Variants in CNTNAP5 observed in about 807,000 individuals in gnomAD.
The protein encoded by CNTNAP5 is contactin associated protein family member 5.
In CNTNAP5, 72 loss-of-function variants were observed where a neutral mutation model predicts 150.2. The ratio of observed to expected loss-of-function variants is 0.48; its 90% CI spans 0.40 to 0.58. The LOEUF (loss-of-function observed/expected upper bound fraction) is 0.58. Among genes scored for constraint, CNTNAP5 ranks in the 20% least tolerant of loss-of-function variants. The probability of loss-of-function intolerance (pLI) is 0.00; values close to 1 mark genes in which losing one functional copy is unlikely to be tolerated. For synonymous variants in CNTNAP5, 672 were observed against 619.8 expected, an observed-to-expected ratio of 1.08 and a Z score of -1.25; for missense variants, 1,636 against 1,626.2, an observed-to-expected ratio of 1.01 and a Z score of -0.10.
intron 1 of CNTNAP5, among the ~76,000 whole-genome samples, chr2:124,216,889 C>T (rs1284561491): frequency 6.6e-6 from 1 of 152,068 alleles, no homozygotes; most frequent in African/African-American, 2.4e-5. Context: ...ATTTATAATC[C>T]TTTGGGTATA....
At chr2:124,305,999 C>T (rs750993221) in intron 3 of CNTNAP5, among the ~76,000 whole-genome samples, 8 of 152,186 alleles carry the variant, frequency 5.3e-5, no homozygotes, top group Admixed American at 3.9e-4. Flanking sequence ...CTTTCCTACT[C>T]AAACTAATTT....
chr2:124,403,213 G>T (rs985105358), intron 3 of CNTNAP5, among the ~76,000 whole-genome samples: 3 of 152,172 alleles, frequency 2.0e-5, no homozygotes, highest in Non-Finnish European at 4.4e-5. Context: ...GGTATTAGCA[G>T]GTCGTTGCTT....
intron 3 of CNTNAP5, among the ~76,000 whole-genome samples, chr2:124,317,995 G>A (rs565501200): frequency 9.2e-5 from 14 of 152,314 alleles, no homozygotes; most frequent in African/African-American, 3.4e-4. Context: ...TGAAGTGTTT[G>A]TGAGGCTTCA....
chr2:124,895,584 C>A (rs1215710914), intron 21 of CNTNAP5, among the ~76,000 whole-genome samples: 6 of 151,518 alleles, frequency 4.0e-5, no homozygotes, highest in Non-Finnish European at 8.8e-5. Flanking sequence ...ATGATCTTAC[C>A]ATTTCACTTC....
At chr2:124,457,123 C>T (rs1000311840) in intron 6 of CNTNAP5, among the ~76,000 whole-genome samples, 6 of 152,148 alleles carry the variant, frequency 3.9e-5, no homozygotes, top group African/African-American at 7.2e-5. Flanking sequence ...ACAGAGTAAA[C>T]AGACAACCCA....
At chr2:124,513,214 T>C (rs961714159) in intron 8 of CNTNAP5, among the ~76,000 whole-genome samples, 4 of 152,210 alleles carry the variant, frequency 2.6e-5, no homozygotes, top group Admixed American at 2.0e-4. Context: ...CTCTCTTTGC[T>C]TGCAGATGGT....
At chr2:124,728,831 G>C (rs972744289) in intron 13 of CNTNAP5, among the ~76,000 whole-genome samples, 1 of 151,986 alleles carries the variant, frequency 6.6e-6, no homozygotes. Flanking sequence ...ATTTGAATGA[G>C]TCTTCATAAT....
At chr2:124,884,696 A>T (rs751275870) in intron 21 of CNTNAP5, among the ~76,000 whole-genome samples, 12 of 152,008 alleles carry the variant, frequency 7.9e-5, no homozygotes, top group Non-Finnish European at 1.8e-4. Flanking sequence ...GTCGTAGTGC[A>T]GACAAGAGCT....
chr2:124,853,802 TC>T (rs1677284010), intron 19 of CNTNAP5, among the ~76,000 whole-genome samples: 2 of 152,284 alleles, frequency 1.3e-5, no homozygotes, highest in Admixed American at 1.3e-4. Context: ...ATCCTCTCCC[TC>T]CTCTTAACCT....
chr2:124,304,123 G>A (rs933491373), intron 3 of CNTNAP5, among the ~76,000 whole-genome samples: 1 of 152,192 alleles, frequency 6.6e-6, no homozygotes. Context: ...CAAGACAAAG[G>A]CTCTAACTGT....
chr2:124,657,985 T>C (rs1678495102), intron 13 of CNTNAP5, among the ~76,000 whole-genome samples: 1 of 152,256 alleles, frequency 6.6e-6, no homozygotes, highest in African/African-American at 2.4e-5. Flanking sequence ...CCTCTGTCAA[T>C]AGAATGTGAG....
chr2:124,908,494 T>C (rs1315808657), intron 22 of CNTNAP5, among the ~76,000 whole-genome samples: 1 of 152,186 alleles, frequency 6.6e-6, no homozygotes, highest in East Asian at 1.9e-4. Flanking sequence ...AAGATAATGG[T>C]CTGCATAGAC....
intron 1 of CNTNAP5, among the ~76,000 whole-genome samples, chr2:124,221,139 A>G (rs572058185): frequency 6.6e-6 from 1 of 152,308 alleles, no homozygotes; most frequent in South Asian, 2.1e-4. Context: ...AGGACTATTC[A>G]CTACTGCTTC....
chr2:124,613,238 G>A (rs1363682874), intron 12 of CNTNAP5, among the ~76,000 whole-genome samples: 4 of 152,180 alleles, frequency 2.6e-5, no homozygotes, highest in South Asian at 2.1e-4. Context: ...ACTTATCACA[G>A]TATGAAAAGT....
intron 11 of CNTNAP5, among the ~76,000 whole-genome samples, chr2:124,572,514 A>C (rs1329375123): frequency 6.6e-6 from 1 of 152,212 alleles, no homozygotes; most frequent in Non-Finnish European, 1.5e-5. Flanking sequence ...GGACCTGGGC[A>C]TAAAGGCTGG....
At chr2:124,578,134 A>C (rs1558961680) in intron 11 of CNTNAP5, among the ~76,000 whole-genome samples, 1 of 139,640 alleles carries the variant, frequency 7.2e-6, no homozygotes, top group African/African-American at 2.7e-5. Flanking sequence ...ACATGGTGAA[A>C]CCTCCGTCTC....
chr2:124,728,536 A>G (rs1270570329), intron 13 of CNTNAP5, among the ~76,000 whole-genome samples: 1 of 152,108 alleles, frequency 6.6e-6, no homozygotes, highest in Non-Finnish European at 1.5e-5. Flanking sequence ...ATGAACAGAC[A>G]CAAGTAATGT....
At position 124,564,244 on chromosome 2, in the gene CNTNAP5, G is replaced by A. The variant is rs564698253; in HGVS notation, c.1756+921G>A. 8.5e-5 allele frequency among the ~76,000 whole-genome samples: 13 copies of A among 152,194 alleles called. No individual in the cohort carries two copies. In the South Asian group the frequency reaches 1.7e-3, roughly 19 times the overall value. Reference sequence around the variant, plus strand: ...GGCTGGAGGGTGCTGAAGGTGAGGAGGAGTGATAAGAGGGGAGACAGAGAT... The same window carrying A: ...GGCTGGAGGGTGCTGAAGGTGAGGAAGAGTGATAAGAGGGGAGACAGAGAT... On this transcript the variant is annotated intron_variant, in intron 11 of 23. Transcript: ENST00000682447.
intron 19 of CNTNAP5, among the ~76,000 whole-genome samples, chr2:124,856,181 T>C (rs774858520): frequency 6.6e-6 from 1 of 152,028 alleles, no homozygotes; most frequent in African/African-American, 2.4e-5. Flanking sequence ...TACTAGTTGA[T>C]AAAGAATATA....
Sources: gnomAD v4.1 joint callset for allele counts (sites outside exome capture counted in the v4.1 genomes callset) on GRCh38, gnomAD v4.1.1 for gene constraint, MANE v1.5 for transcripts, NCBI Gene and HGNC (gene_info 2026-07-23, HGNC 2026-07-21) for gene names.